Variants in CPVL observed in about 807,000 individuals in gnomAD.
CPVL encodes the protein carboxypeptidase vitellogenic like, also known as probable serine carboxypeptidase CPVL.
CPVL carries 51 observed loss-of-function variants against 63.7 expected under a neutral mutation model. The observed-to-expected ratio is 0.80, with a 90% CI of 0.64 to 1.01. The LOEUF is 1.01. Among genes scored for constraint, CPVL ranks in the 50% least tolerant of loss-of-function variants. The pLI, the probability that CPVL is intolerant of heterozygous loss-of-function variation, is 0.00. For synonymous variants in CPVL, 195 were observed against 206.0 expected (o/e 0.95, Z 0.46); for missense variants, 530 against 573.1 (o/e 0.92, Z 0.77).
At chr7:29,057,853 A>G (rs1002341711) in intron 11 of CPVL, among the ~76,000 whole-genome samples, 16 of 152,192 alleles carry the variant, frequency 1.1e-4, no homozygotes, top group Non-Finnish European at 2.4e-4. Context: ...ATTCTAGTCC[A>G]TCAACCTATT....
At chr7:29,038,596 C>A (rs1256525725) in intron 11 of CPVL, among the ~76,000 whole-genome samples, 1 of 152,178 alleles carries the variant, frequency 6.6e-6, no homozygotes, top group Non-Finnish European at 1.5e-5. Context: ...TAACACTTTG[C>A]GGAGCTGTAA....
At chr7:29,056,686 G>A (rs1481674079) in intron 11 of CPVL, among the ~76,000 whole-genome samples, 1 of 152,122 alleles carries the variant, frequency 6.6e-6, no homozygotes, top group Non-Finnish European at 1.5e-5. Flanking sequence ...GTTCATTTGG[G>A]TAAATACCAA....
intron 5 of CPVL, among the ~76,000 whole-genome samples, chr7:29,171,355 G>A (rs1041855037): frequency 3.3e-5 from 5 of 152,120 alleles, no homozygotes; most frequent in African/African-American, 1.2e-4. Context: ...GATTCTGTGG[G>A]GATACAAACC....
rs184079207 is a variant in CPVL, at chr7:29,099,318, T to C, written c.289-3101A>G. The stretch of plus-strand genomic sequence containing the variant: ...TGTGGTGGTTTTATTCTCGCTCCTG[T>C]AGCCCACAACTTCCCTGATCAGTTT... On this transcript the variant is annotated intron_variant, in intron 3 of 12. Coordinates refer to ENST00000265394, the MANE Select transcript of CPVL (RefSeq NM_031311.5). Among the ~76,000 whole-genome samples, 685 of 152,324 alleles carry C rather than the reference T, an allele frequency of 4.5e-3. 2 individuals carry two copies. Among genetic ancestry groups the C allele is most frequent in the African/African-American group, 0.016 (648 of 41,588 alleles).
chr7:29,059,532 G>C (rs1014379098), intron 11 of CPVL, among the ~76,000 whole-genome samples: 9 of 152,150 alleles, frequency 5.9e-5, no homozygotes, highest in African/African-American at 2.2e-4. Context: ...TAGCATGCAA[G>C]ACTGGTTTAA....
At chr7:29,168,027 C>G (rs917217965) in intron 5 of CPVL, among the ~76,000 whole-genome samples, 24 of 152,160 alleles carry the variant, frequency 1.6e-4, no homozygotes, top group African/African-American at 5.6e-4. Context: ...CTAAACTGGA[C>G]ATTTGTGTGA....
chr7:29,098,987 C>G (rs946871083), intron 3 of CPVL, among the ~76,000 whole-genome samples: 5 of 152,130 alleles, frequency 3.3e-5, no homozygotes, highest in African/African-American at 9.7e-5. Flanking sequence ...ATCGCTTGAA[C>G]CCAGGAGGCG....
intron 11 of CPVL, among the ~76,000 whole-genome samples, chr7:29,041,541 T>G (rs1194943168): frequency 2.0e-5 from 3 of 152,114 alleles, no homozygotes; most frequent in African/African-American, 7.2e-5. Context: ...ACAAAGTTAT[T>G]ACCCTACTAG....
chr7:29,029,593 C>G (rs182979378), intron 12 of CPVL, among the ~76,000 whole-genome samples: 1 of 151,902 alleles, frequency 6.6e-6, no homozygotes, highest in Non-Finnish European at 1.5e-5. Context: ...CATGTGGGAG[C>G]GTAAAAAGTT....
chr7:29,146,582 A>G (rs1269956535), upstream of CPVL: 6 of 1,549,392 alleles, frequency 3.9e-6, no homozygotes, highest in Middle Eastern at 1.7e-4. Context: ...CTCTAGGCTC[A>G]CATGACCCAG....
intron 4 of CPVL, among the ~76,000 whole-genome samples, chr7:29,095,612 A>G (rs1412179258): frequency 3.3e-5 from 5 of 152,036 alleles, no homozygotes; most frequent in African/African-American, 1.2e-4. Context: ...AAAAAAACAA[A>G]ATGAGATGAA....
chr7:29,134,019 A>T (rs1036153066), intron 1 of CPVL, among the ~76,000 whole-genome samples: 2 of 152,222 alleles, frequency 1.3e-5, no homozygotes, highest in Non-Finnish European at 2.9e-5. Context: ...CTTATTCTGC[A>T]GCAAATTCAT....
rs201462882 is a variant in CPVL, at chr7:29,071,834, T to C, written c.803A>G (p.Gln268Arg). 1.6e-5 allele frequency: 26 copies of C among 1,613,878 alleles called. No homozygotes were observed. Among genetic ancestry groups the C allele is most frequent in the African/African-American group, 2.7e-5 (2 of 74,900 alleles). The change falls in exon 9 of 13, where the codon CAG becomes CGG. Residue 268 changes from glutamine to arginine, a missense_variant. Physicochemically the swap from Gln to Arg is conservative, Grantham distance 43. Coordinates refer to ENST00000265394, the MANE Select transcript of CPVL (RefSeq NM_031311.5). ...LLDEKQKKYF[Q>R]KQCHECIEHI... ...TTCTATGCATTCATGGCACTGCTTC[T>C]GGAAGTACTTTTTTTGCTTCTCATC...
chr7:29,132,440 G>A (rs933296992), intron 1 of CPVL, among the ~76,000 whole-genome samples: 17 of 152,258 alleles, frequency 1.1e-4, no homozygotes, highest in Non-Finnish European at 2.4e-4. Flanking sequence ...TCTTCCCTCC[G>A]TAGGGGTAGG....
At chr7:29,169,858 A>G (rs148558724) in intron 5 of CPVL, among the ~76,000 whole-genome samples, 150 of 144,290 alleles carry the variant, frequency 1.0e-3, no homozygotes, top group African/African-American at 3.6e-3. Flanking sequence ...ATAAGTATAT[A>G]TACGTGTGTG....
At chr7:29,085,262 T>G (rs544823677) in intron 7 of CPVL, among the ~76,000 whole-genome samples, 7 of 152,312 alleles carry the variant, frequency 4.6e-5, no homozygotes, top group African/African-American at 1.4e-4. Flanking sequence ...CACACCTTTG[T>G]GTCAAAAAGC....
chr7:29,095,985 T>C, intron 4 of CPVL, 118 bp downstream of exon 4: 3 of 837,800 alleles, frequency 3.6e-6, no homozygotes, highest in Non-Finnish European at 2.0e-6. Context: ...TGTGTTTTGA[T>C]AATCTGGAAC....
At position 29,013,649 on chromosome 7, in the gene CPVL, A is replaced by G. The variant is rs147064174; in HGVS notation, c.1320+16928T>C. On this transcript the variant is annotated intron_variant, in intron 12 of 12. Coordinates refer to ENST00000265394, the MANE Select transcript of CPVL (RefSeq NM_031311.5). ...CTCCCAACTCCCTGCCCCCAAATCC[A>G]TGAGAGCTAGCAAGTACATTATCTG... Among the ~76,000 whole-genome samples the G allele has an allele frequency of 2.8e-3, 420 of 152,338 alleles. 1 individual carries two copies. The highest frequency in any genetic ancestry group is 9.6e-3 in the African/African-American group (400 of 41,578).
At chr7:29,102,575 A>C (rs1337368332) in intron 3 of CPVL, among the ~76,000 whole-genome samples, 1 of 152,208 alleles carries the variant, frequency 6.6e-6, no homozygotes, top group Non-Finnish European at 1.5e-5. Context: ...CGGACAAAAA[A>C]GTTCTAAATA....
Sources: allele counts gnomAD v4.1 joint callset (sites outside exome capture counted in the v4.1 genomes callset), GRCh38; gene constraint gnomAD v4.1.1; transcripts MANE v1.5; gene names NCBI Gene and HGNC (gene_info 2026-07-23, HGNC 2026-07-21).